The following SCHIP1 variants were observed in gnomAD, a reference collection of about 807,000 sequenced individuals.
The protein encoded by SCHIP1 is schwannomin-interacting protein 1.
Under a neutral mutation model 29.7 loss-of-function variants are expected in SCHIP1, and 8 were observed. The ratio of observed to expected loss-of-function variants is 0.27; its 90% CI spans 0.16 to 0.49. The LOEUF is 0.49. SCHIP1 is among the 20% of genes least tolerant of loss of function. SCHIP1 has a pLI of 0.99. For synonymous variants in SCHIP1, 76 were observed against 94.9 expected, an observed-to-expected ratio of 0.80 and a Z score of 1.16; for missense variants, 193 against 294.6, an observed-to-expected ratio of 0.66 and a Z score of 2.52.
chr3:159,690,975 A>G, the SCHIP1 span, among the ~76,000 whole-genome samples: 2 of 151,952 alleles, frequency 1.3e-5, no homozygotes, highest in Non-Finnish European at 2.9e-5. Flanking sequence ...TATGATTTCC[A>G]TTCTTTTGCA....
At chr3:159,663,099 C>A in the SCHIP1 span, among the ~76,000 whole-genome samples, 1 of 152,180 alleles carries the variant, frequency 6.6e-6, no homozygotes, top group Non-Finnish European at 1.5e-5. Context: ...TGGGTTTTGT[C>A]ACTCTGATAT....
chr3:159,443,430 A>G, the SCHIP1 span, among the ~76,000 whole-genome samples: 1 of 152,184 alleles, frequency 6.6e-6, no homozygotes, highest in African/African-American at 2.4e-5. Context: ...TCAACCCTGG[A>G]AACAGCAGTA....
At chr3:159,839,938 A>C in exon 1 of SCHIP1, 1 of 1,407,912 alleles carries the variant, frequency 7.1e-7, no homozygotes, top group South Asian at 1.6e-5. Flanking sequence ...TCCCAGCTCC[A>C]TGTTCCTAAG....
chr3:159,537,871 A>C, the SCHIP1 span, among the ~76,000 whole-genome samples: 1 of 152,346 alleles, frequency 6.6e-6, no homozygotes, highest in South Asian at 2.1e-4. Flanking sequence ...AACAGTAGAA[A>C]AAAATATACA....
the SCHIP1 span, among the ~76,000 whole-genome samples, chr3:159,481,156 C>A: frequency 1.3e-5 from 2 of 152,116 alleles, no homozygotes; most frequent in Non-Finnish European, 2.9e-5. Flanking sequence ...GCCTCAGAGG[C>A]CTGACACTGG....
At chr3:159,582,787 TACACACACAC>T in the SCHIP1 span, among the ~76,000 whole-genome samples, 199 of 144,234 alleles carry the variant, frequency 1.4e-3, 1 homozygote, top group African/African-American at 4.6e-3. Context: ...AATATATATA[TACACACACAC>T]ACACACACAC....
At chr3:159,420,177 G>A in the SCHIP1 span, among the ~76,000 whole-genome samples, 1 of 152,290 alleles carries the variant, frequency 6.6e-6, no homozygotes, top group African/African-American at 2.4e-5. Context: ...CTGATGCCAG[G>A]CAATAGTGCA....
the SCHIP1 span, among the ~76,000 whole-genome samples, chr3:159,413,612 G>C: frequency 6.6e-6 from 1 of 152,080 alleles, no homozygotes; most frequent in Non-Finnish European, 1.5e-5. Flanking sequence ...TATGGAAAAT[G>C]ACACTTTTAA....
At chr3:159,740,761 C>CAAAA in the SCHIP1 span, among the ~76,000 whole-genome samples, 9 of 14,286 alleles carry the variant, frequency 6.3e-4, no homozygotes, top group South Asian at 2.8e-3. Flanking sequence ...ATTGTATATT[C>CAAAA]AAAAAAAAAG....
At chr3:159,554,963 C>T in the SCHIP1 span, among the ~76,000 whole-genome samples, 1 of 151,794 alleles carries the variant, frequency 6.6e-6, no homozygotes, top group African/African-American at 2.4e-5. Context: ...AGGAAGACAC[C>T]CAAAATGACA....
the SCHIP1 span, among the ~76,000 whole-genome samples, chr3:159,552,951 A>T: frequency 6.6e-6 from 1 of 152,114 alleles, no homozygotes; most frequent in African/African-American, 2.4e-5. Flanking sequence ...CAGAATCATA[A>T]ATCTTTCTTA....
At chr3:159,806,104 T>A in the SCHIP1 span, among the ~76,000 whole-genome samples, 1 of 152,232 alleles carries the variant, frequency 6.6e-6, no homozygotes. Flanking sequence ...CCACCGCGCC[T>A]GGCCAATTGT....
At chr3:159,579,919 T>A in the SCHIP1 span, among the ~76,000 whole-genome samples, 6 of 151,994 alleles carry the variant, frequency 3.9e-5, no homozygotes, top group Admixed American at 1.3e-4. Context: ...GGAAAAAAAT[T>A]TAAAAAATGA....
the SCHIP1 span, among the ~76,000 whole-genome samples, chr3:159,514,709 A>G: frequency 6.6e-6 from 1 of 152,226 alleles, no homozygotes; most frequent in South Asian, 2.1e-4. Context: ...TTCTAAATGT[A>G]ATTGGAATCT....
the SCHIP1 span, among the ~76,000 whole-genome samples, chr3:159,678,560 C>G: frequency 6.6e-6 from 1 of 152,120 alleles, no homozygotes; most frequent in African/African-American, 2.4e-5. Flanking sequence ...ACTAATATAA[C>G]AAAATATTCC....
the SCHIP1 span, among the ~76,000 whole-genome samples, chr3:159,813,687 C>CA: frequency 0.066 from 9,611 of 145,988 alleles, 959 homozygotes; most frequent in African/African-American, 0.22. Flanking sequence ...GACGCTATCT[C>CA]AAAAAAAAAA....
At chr3:159,379,888 AC>A in the SCHIP1 span, among the ~76,000 whole-genome samples, 1 of 152,182 alleles carries the variant, frequency 6.6e-6, no homozygotes, top group African/African-American at 2.4e-5. Flanking sequence ...TCTACCATGT[AC>A]TATGCATGAA....
the SCHIP1 span, among the ~76,000 whole-genome samples, chr3:159,633,556 T>G: frequency 3.9e-5 from 6 of 152,096 alleles, no homozygotes; most frequent in Non-Finnish European, 7.4e-5. Flanking sequence ...TAAAATGACA[T>G]CAGACTCTTC....
the SCHIP1 span, among the ~76,000 whole-genome samples, chr3:159,469,954 C>A: frequency 4.3e-4 from 65 of 152,092 alleles, no homozygotes; most frequent in African/African-American, 1.3e-3. Flanking sequence ...ATGAACATAA[C>A]CAAGTATGTT....
Sources: gnomAD v4.1 joint callset for allele counts (sites outside exome capture counted in the v4.1 genomes callset) on GRCh38, gnomAD v4.1.1 for gene constraint, MANE v1.5 for transcripts, NCBI Gene and HGNC (gene_info 2026-07-23, HGNC 2026-07-21) for gene names.